The following SGCZ variants were observed in gnomAD, a reference collection of about 807,000 sequenced individuals.
The protein encoded by SGCZ is zeta-sarcoglycan.
In SGCZ, 40 loss-of-function variants were observed where a neutral mutation model predicts 41.3. That is an observed-to-expected ratio of 0.97 (90% CI 0.75 to 1.26). The LOEUF is 1.26. SGCZ is among the 50% of genes most tolerant of loss of function. The pLI is 0.00. For synonymous variants in SGCZ, 206 were observed against 137.5 expected, an observed-to-expected ratio of 1.50 and a Z score of -3.49; for missense variants, 552 against 369.8, an observed-to-expected ratio of 1.49 and a Z score of -4.04.
In SGCZ at chr8:14,720,534, G is replaced by T. The variant is rs1194018236; in HGVS notation, c.40-165608C>A. Reference sequence around the variant, plus strand: ...ACCTAAGGTTCCACTGGATTTCCTAGGTTCACTCTGTATCAGTGGTCATCT... The same window carrying T: ...ACCTAAGGTTCCACTGGATTTCCTATGTTCACTCTGTATCAGTGGTCATCT... On this transcript the variant is annotated intron_variant, in intron 1 of 7. Coordinates refer to ENST00000382080, the MANE Select transcript of SGCZ (RefSeq NM_139167.4). Among the ~76,000 whole-genome samples, 3 of 152,018 alleles carry T rather than the reference G, an allele frequency of 2.0e-5. 1 individual carries two copies. Among genetic ancestry groups the T allele is most frequent in the Non-Finnish European group, 4.4e-5 (3 of 67,990 alleles).
intron 2 of SGCZ, among the ~76,000 whole-genome samples, chr8:14,365,159 T>C (rs1297002843): frequency 6.6e-6 from 1 of 152,054 alleles, no homozygotes; most frequent in African/African-American, 2.4e-5. Context: ...ACAGGGTACA[T>C]CCCTTTTTGA....
chr8:15,059,209 T>C (rs893818922), intron 1 of SGCZ, among the ~76,000 whole-genome samples: 3 of 152,146 alleles, frequency 2.0e-5, no homozygotes, highest in African/African-American at 7.2e-5. Context: ...ATTTACAAAA[T>C]ATTTTTATTG....
At chr8:14,196,170 T>C (rs1805260936) in intron 4 of SGCZ, among the ~76,000 whole-genome samples, 1 of 152,082 alleles carries the variant, frequency 6.6e-6, no homozygotes, top group Non-Finnish European at 1.5e-5. Context: ...AGATAAGCTA[T>C]AGATTTATAT....
chr8:14,797,224 T>C (rs1423847850), intron 1 of SGCZ, among the ~76,000 whole-genome samples: 1 of 152,026 alleles, frequency 6.6e-6, no homozygotes, highest in Non-Finnish European at 1.5e-5. Flanking sequence ...TCCTGGAGAC[T>C]TGGAGGGCTC....
chr8:14,132,744 T>C (rs1362735146), intron 5 of SGCZ, among the ~76,000 whole-genome samples: 1 of 152,174 alleles, frequency 6.6e-6, no homozygotes, highest in Non-Finnish European at 1.5e-5. Flanking sequence ...TTTGTATGAA[T>C]TGTGACTTTC....
intron 4 of SGCZ, among the ~76,000 whole-genome samples, 177 bp downstream of exon 4, chr8:14,237,415 C>T (rs377761007): frequency 5.3e-5 from 8 of 151,906 alleles, no homozygotes; most frequent in African/African-American, 1.7e-4. Context: ...ATTGCTTGAC[C>T]TCGTGATCTG....
chr8:14,923,535 C>CAT (rs539183499), intron 1 of SGCZ, among the ~76,000 whole-genome samples: 14 of 152,158 alleles, frequency 9.2e-5, no homozygotes, highest in African/African-American at 3.1e-4. Context: ...TCCCAGGACA[C>CAT]ATATATTCAT....
chr8:14,111,754 G>C (rs1240184623), intron 5 of SGCZ, among the ~76,000 whole-genome samples: 1 of 152,126 alleles, frequency 6.6e-6, no homozygotes, highest in African/African-American at 2.4e-5. Flanking sequence ...ATAATTTCTG[G>C]CTTCTGCAGG....
chr8:15,233,608 A>C (rs533563988), intron 1 of SGCZ, among the ~76,000 whole-genome samples: 7 of 152,184 alleles, frequency 4.6e-5, no homozygotes, highest in Middle Eastern at 3.4e-3. Context: ...ATGTTGATTC[A>C]ATTAAGCAGA....
At chr8:15,158,344 C>A (rs573631884) in intron 1 of SGCZ, among the ~76,000 whole-genome samples, 4 of 152,200 alleles carry the variant, frequency 2.6e-5, no homozygotes, top group African/African-American at 9.6e-5. Flanking sequence ...TTTGTGGAAT[C>A]TGAGGTCCTA....
chr8:14,138,706 C>A (rs1803276904), intron 5 of SGCZ, among the ~76,000 whole-genome samples: 1 of 152,126 alleles, frequency 6.6e-6, no homozygotes, highest in Non-Finnish European at 1.5e-5. Flanking sequence ...TCTTACACAC[C>A]TACAAAGAAA....
In SGCZ at chr8:14,263,588, T is replaced by C. The variant is rs1020390394; in HGVS notation, c.337-25909A>G. Among the ~76,000 whole-genome samples, 3 of 151,698 alleles carry C rather than the reference T, an allele frequency of 2.0e-5. No homozygotes were observed. In the South Asian group the frequency reaches 6.2e-4, roughly 32 times the overall value. ...TAACTAAATAAAATAAATGAATAAATACATAAATAAAAATCAGCAAAGAAG... is the reference window on the plus strand; with the variant it reads ...TAACTAAATAAAATAAATGAATAAACACATAAATAAAAATCAGCAAAGAAG... On this transcript the variant is annotated intron_variant, in intron 3 of 7. Coordinates refer to ENST00000382080, the MANE Select transcript of SGCZ (RefSeq NM_139167.4).
At chr8:14,399,213 T>A (rs1799003956) in intron 2 of SGCZ, among the ~76,000 whole-genome samples, 1 of 152,160 alleles carries the variant, frequency 6.6e-6, no homozygotes, top group Admixed American at 6.6e-5. Flanking sequence ...GTGTCAGGGT[T>A]CCTTGGAGTC....
At chr8:14,755,471 G>T (rs189119064) in intron 1 of SGCZ, among the ~76,000 whole-genome samples, 1 of 152,010 alleles carries the variant, frequency 6.6e-6, no homozygotes, top group Non-Finnish European at 1.5e-5. Flanking sequence ...GTCTACTCAC[G>T]ATAAGGAAAT....
At chr8:15,103,409 T>TAAATAAAC (rs1806691954) in intron 1 of SGCZ, among the ~76,000 whole-genome samples, 1 of 149,606 alleles carries the variant, frequency 6.7e-6, no homozygotes, top group African/African-American at 2.5e-5. Context: ...TCTAAATAAA[T>TAAATAAAC]AAATAAATAA....
chr8:15,177,628 G>A (rs1800038828), intron 1 of SGCZ, among the ~76,000 whole-genome samples: 1 of 152,158 alleles, frequency 6.6e-6, no homozygotes. Context: ...GGAACAGTAA[G>A]GTCAATATTC....
intron 1 of SGCZ, among the ~76,000 whole-genome samples, chr8:15,060,919 C>T (rs1447298473): frequency 6.6e-6 from 1 of 152,084 alleles, no homozygotes; most frequent in Non-Finnish European, 1.5e-5. Flanking sequence ...TTCGATACTC[C>T]ACCATAGTAG....
Position 14,832,382 on chromosome 8 carries a change from C to A in SGCZ, c.40-277456G>T, listed in dbSNP as rs184003861. On this transcript the variant is annotated intron_variant, in intron 1 of 7. Transcript: ENST00000382080. ...GCTCAAGAACATCCCTGAATTTACA[C>A]AAAATTCCATAATGCCCAGGTGGTC... Among the ~76,000 whole-genome samples, 71 of 152,216 alleles carry A rather than the reference C, an allele frequency of 4.7e-4. No homozygotes were observed. The East Asian group carries it at 0.013, about 28-fold the overall frequency.
chr8:14,355,886 T>A (rs182038378), intron 2 of SGCZ, among the ~76,000 whole-genome samples: 60 of 152,318 alleles, frequency 3.9e-4, no homozygotes, highest in African/African-American at 1.3e-3. Flanking sequence ...GTGAGTTATC[T>A]AGATAATTGT....
Sources: gnomAD v4.1 joint callset for allele counts (sites outside exome capture counted in the v4.1 genomes callset) on GRCh38, gnomAD v4.1.1 for gene constraint, MANE v1.5 for transcripts, NCBI Gene and HGNC (gene_info 2026-07-23, HGNC 2026-07-21) for gene names.